Variants in CHD8 observed in about 807,000 individuals in gnomAD.
The protein encoded by CHD8 is chromodomain helicase DNA binding protein 8, also known as ATP-dependent chromatin remodeler CHD8.
CHD8 carries 31 observed loss-of-function variants against 279.2 expected under a neutral mutation model. The ratio of observed to expected loss-of-function variants is 0.11; its 90% confidence interval spans 0.08 to 0.15. The LOEUF is 0.15. CHD8 is among the 10% of genes least tolerant of loss of function. CHD8 has a pLI of 1.00. For synonymous variants in CHD8, 1,081 were observed against 1,139.6 expected (o/e 0.95, Z 1.04); for missense variants, 2,146 against 3,230.5 (o/e 0.66, Z 8.14).
At chr14:21,441,069 G>T (rs143841758) in intron 1 of CHD8, among the ~76,000 whole-genome samples, 2 of 152,272 alleles carry the variant, frequency 1.3e-5, no homozygotes, top group African/African-American at 2.4e-5. Flanking sequence ...AAGTATGCAT[G>T]CACATGACCT....
chr14:21,400,303 T>C lies in CHD8; in HGVS notation c.4575A>G (p.Leu1525=), dbSNP rs759733854. The C allele has an allele frequency of 1.9e-5, 30 of 1,613,812 alleles. No homozygotes were observed. Among genetic ancestry groups the C allele is most frequent in the East Asian group, 2.2e-5 (1 of 44,894 alleles). Residue 1525 remains leucine, a synonymous_variant, in exon 24 of 38, where the codon CTA becomes CTG. Transcript: ENST00000646647. This position sits in a 1 kb window ranked among gnomAD's most constrained non-coding sequence, Gnocchi z 4.2. The part of the protein sequence containing the change: ...KTKELQNHSG[L]SIPVPRGRKG... ...TGCGTCCACGAGGCACAGGGATAGATAGACCTGGGAAAGGGGAGACATCAA... is the reference window on the plus strand; with the variant it reads ...TGCGTCCACGAGGCACAGGGATAGACAGACCTGGGAAAGGGGAGACATCAA...
intron 10 of CHD8, among the ~76,000 whole-genome samples, chr14:21,411,765 T>C (rs931923139): frequency 6.6e-6 from 1 of 152,082 alleles, no homozygotes; most frequent in Admixed American, 6.5e-5. Context: ...GATGACCATT[T>C]GAAAATGAAA....
At position 21,405,868 on chromosome 14, in the gene CHD8, G is replaced by A. The variant is rs577121914; in HGVS notation, c.2908-4C>T. The A allele has an allele frequency of 1.2e-6, 2 of 1,602,970 alleles. No individual in the cohort carries two copies. The highest frequency in any genetic ancestry group is 1.7e-6 in the Non-Finnish European group (2 of 1,175,646). On this transcript the variant is annotated splice_region_variant and splice_polypyrimidine_tract_variant and intron_variant, in intron 14 of 37. Transcript: ENST00000646647. The surrounding 1 kb of genome is among the most constrained non-coding windows in gnomAD (Gnocchi z 4.2). ...CTGTGAGTAGCACCTTGTGTTCCTA[G>A]AAATGGAGGAAACAAAAGAATAAAA...
In CHD8 at chr14:21,400,527, T is replaced by C. The variant is rs1887982788; in HGVS notation, c.4456A>G (p.Ile1486Val). 4 of 1,613,330 alleles carry C rather than the reference T, an allele frequency of 2.5e-6. No homozygotes were observed. Among genetic ancestry groups the C allele is most frequent in the East Asian group, 4.5e-5 (2 of 44,902 alleles). ...TAGTGTAGAAGACAGTACACGAGAATGGCCCGACAAATGGTCTCCACATCT... is the reference window on the plus strand; with the variant it reads ...TAGTGTAGAAGACAGTACACGAGAACGGCCCGACAAATGGTCTCCACATCT... Reference protein sequence around the residue: ...ERDVETICRAILVYCLLHYRG... With the variant: ...ERDVETICRAVLVYCLLHYRG... The change falls in exon 23 of 38, where the codon ATT (isoleucine) becomes GTT (valine). Residue 1486 changes from isoleucine to valine, a missense_variant. Around this residue, in one of 26 missense-constraint regions of CHD8, gnomAD observed 73 missense variants for 153.2 expected, o/e 0.48. Coordinates refer to ENST00000646647, the MANE Select transcript of CHD8 (RefSeq NM_001170629.2). This position sits in a 1 kb window ranked among gnomAD's most constrained non-coding sequence, Gnocchi z 4.2.
intron 1 of CHD8, among the ~76,000 whole-genome samples, chr14:21,444,363 A>C (rs1051062311): frequency 6.6e-6 from 1 of 152,236 alleles, no homozygotes; most frequent in African/African-American, 2.4e-5. Flanking sequence ...AAAATAGTTT[A>C]GTTTCAGTTG....
chr14:21,407,269 C>T (rs1345187418), intron 13 of CHD8, among the ~76,000 whole-genome samples: 1 of 152,102 alleles, frequency 6.6e-6, no homozygotes, highest in East Asian at 1.9e-4. Flanking sequence ...GAATGAGAGG[C>T]TAGACATTTT....
intron 27 of CHD8, chr14:21,397,139 A>T: frequency 4.0e-6 from 1 of 253,006 alleles, no homozygotes; most frequent in Admixed American, 4.5e-5. Flanking sequence ...TGTTCTTCTG[A>T]GCAGACAGGT....
Position 21,391,631 on chromosome 14 carries a change from C to T in CHD8, c.6897G>A (p.Glu2299=), listed in dbSNP as rs1887543496. Residue 2299 remains glutamate (E), a synonymous_variant, in exon 36 of 38, where the codon GAG becomes GAA. Coordinates refer to ENST00000646647, the MANE Select transcript of CHD8 (RefSeq NM_001170629.2). ...NRKKLVELEV[E]CMEEPNHLDV... ...CAAGGTGATTAGGCTCTTCCATGCA[C>T]TCCACCTCCAGCTGCAAACCCAGAA... is the stretch of plus-strand genomic sequence containing the variant. 1.3e-6 allele frequency: 2 copies of T among 1,593,850 alleles called. No homozygotes were observed. Among genetic ancestry groups the T allele is most frequent in the South Asian group, 2.3e-5 (2 of 87,406 alleles).
intron 9 of CHD8, 28 bp from the exon 10 acceptor site, chr14:21,413,024 A>G: frequency 1.5e-6 from 2 of 1,355,474 alleles, no homozygotes; most frequent in Non-Finnish European, 2.1e-6. Context: ...CCAAACAATA[A>G]GACCAAAAGA....
Position 21,428,106 on chromosome 14 carries a change from T to C in CHD8, c.1364A>G (p.Gln455Arg). The C allele has an allele frequency of 1.2e-6, 2 of 1,614,050 alleles. No homozygotes were observed. The highest frequency in any genetic ancestry group is 1.7e-6 in the Non-Finnish European group (2 of 1,179,904). Residue 455 changes from glutamine to arginine, a missense_variant, in exon 4 of 38, where the codon CAG becomes CGG. By Grantham distance (43) the Gln-to-Arg change is conservative. Transcript: ENST00000646647. ...CCGATTTGCTTTCTCTTGCTTCTTC[T>C]GGTGTTCCAATCTGCGGTTTTCCTC... is the stretch of plus-strand genomic sequence containing the variant. ...GMEENRRLEH[Q>R]KKQEKANRIV...
Position 21,415,793 on chromosome 14 carries a change from C to G in CHD8, c.1831G>C (p.Glu611Gln). ...EVDVTGPIKP[E>Q]PILPEPVQEP... ...TGCACTGGTTCAGGGAGGATAGGCT[C>G]AGGTTTTATTGGACCAGTTACATCC... Residue 611 changes from glutamate (E) to glutamine (Q), a missense_variant, in exon 6 of 38, where the codon GAG (glutamate) becomes CAG (glutamine). Physicochemically the swap from Glu to Gln is conservative, Grantham distance 29. This residue lies in a region of CHD8 where 123 missense variants were observed against 169.2 expected (regional missense o/e 0.73). Transcript: ENST00000646647. The G allele has an allele frequency of 6.2e-7, 1 of 1,613,948 alleles. No homozygotes were observed. The highest frequency in any genetic ancestry group is 1.1e-5 in the South Asian group (1 of 91,086).
chr14:21,395,302 A>G lies in CHD8; in HGVS notation c.5178T>C (p.Asp1726=). The change falls in exon 29 of 38, where the codon GAT becomes GAC. Residue 1726 remains aspartate (D), a synonymous_variant. Transcript: ENST00000646647. Reference sequence around the variant, plus strand: ...CTAGTTGACCTAGAAGTTTACCTTCATCTCCATCAATCACTGAGATCTCCT... The same window carrying G: ...CTAGTTGACCTAGAAGTTTACCTTCGTCTCCATCAATCACTGAGATCTCCT... The part of the protein sequence containing the change: ...MDEEISVIDG[D]EAQVTQQPGH... The G allele has an allele frequency of 6.2e-7, 1 of 1,607,430 alleles. No homozygotes were observed. Among genetic ancestry groups the G allele is most frequent in the East Asian group, 2.2e-5 (1 of 44,842 alleles).
Position 21,391,878 on chromosome 14 carries a change from A to G in CHD8, c.6840T>C (p.His2280=). The G allele has an allele frequency of 7.4e-6, 12 of 1,613,810 alleles. No individual in the cohort carries two copies. The highest frequency in any genetic ancestry group is 1.0e-5 in the Non-Finnish European group (12 of 1,179,762). The change falls in exon 35 of 38, where the codon CAT becomes CAC. Residue 2280 remains histidine (H), a synonymous_variant. Coordinates refer to ENST00000646647, the MANE Select transcript of CHD8 (RefSeq NM_001170629.2). The part of the protein sequence containing the change: ...LMANGVMGDG[H]PLFHKKKGNR... The stretch of plus-strand genomic sequence containing the variant: ...TCCCCTTCTTCTTATGAAACAGTGG[A>G]TGTCCATCTCCCATTACTCCATTCG...
intron 1 of CHD8, chr14:21,437,398 GT>G: frequency 2.5e-6 from 1 of 394,950 alleles, no homozygotes; most frequent in Non-Finnish European, 3.7e-6. Context: ...TCCCCCGCAG[GT>G]TAGGTTGAGA....
At chr14:21,455,544 T>G (rs1018524893) in intron 1 of CHD8, among the ~76,000 whole-genome samples, 1 of 152,054 alleles carries the variant, frequency 6.6e-6, no homozygotes, top group African/African-American at 2.4e-5. Context: ...TGAGAATGAG[T>G]AACAATCTGC....
intron 1 of CHD8, among the ~76,000 whole-genome samples, chr14:21,448,501 G>A (rs1026232840): frequency 7.9e-5 from 12 of 152,150 alleles, no homozygotes; most frequent in Non-Finnish European, 1.8e-4. Flanking sequence ...ACAGGCTACT[G>A]AATACCTACC....
intron 1 of CHD8, among the ~76,000 whole-genome samples, chr14:21,440,072 T>C (rs1889917580): frequency 6.6e-6 from 1 of 152,190 alleles, no homozygotes; most frequent in East Asian, 1.9e-4. Flanking sequence ...TGTATGTATG[T>C]GGGAAGAGGG....
At chr14:21,424,137 T>C (rs1257686561) in intron 5 of CHD8, among the ~76,000 whole-genome samples, 4 of 152,260 alleles carry the variant, frequency 2.6e-5, no homozygotes, top group African/African-American at 4.8e-5. Context: ...TCATGTCTTA[T>C]AGACAGTTCA....
At chr14:21,417,863 AAAAT>A (rs1387038896) in intron 5 of CHD8, among the ~76,000 whole-genome samples, 4 of 137,808 alleles carry the variant, frequency 2.9e-5, no homozygotes, top group Non-Finnish European at 4.6e-5. Flanking sequence ...AAAAAAAAAA[AAAAT>A]ATATATATAT....
Sources: allele counts gnomAD v4.1 joint callset (sites outside exome capture counted in the v4.1 genomes callset), GRCh38; gene constraint gnomAD v4.1.1; regional missense constraint gnomAD v4.1.1; non-coding constraint Gnocchi (gnomAD v3.1); transcripts MANE v1.5; gene names NCBI Gene and HGNC (gene_info 2026-07-23, HGNC 2026-07-21).